Variants in SFMBT2 observed in about 807,000 individuals in gnomAD.
The protein encoded by SFMBT2 is scm-like with four MBT domains protein 2.
A neutral mutation model predicts 110.1 loss-of-function variants in SFMBT2; 38 were observed. That is an observed-to-expected ratio of 0.35 (90% confidence interval 0.27 to 0.45). SFMBT2 has a LOEUF of 0.45. SFMBT2 is among the 20% of genes least tolerant of loss of function. The pLI is 1.00. For missense variants in SFMBT2, 1,011 were observed against 1,094.9 expected (o/e 0.92, Z 1.08); for synonymous variants, 425 against 425.4 (o/e 1.00, Z 0.01).
chr10:7,196,743 C>A lies in SFMBT2; in HGVS notation c.1698+805G>T, dbSNP rs115398416. Reference sequence around the variant, plus strand: ...TGGTACGGTGGCAATAGAGAATATCCATTTGGTATCCTCTTTCTTCAGAGA... The same window carrying A: ...TGGTACGGTGGCAATAGAGAATATCAATTTGGTATCCTCTTTCTTCAGAGA... On this transcript the variant is annotated intron_variant, in intron 15 of 20. Transcript: ENST00000397167. Among the ~76,000 whole-genome samples the A allele has an allele frequency of 8.1e-3, 1,234 of 152,300 alleles. 13 individuals carry two copies. The highest frequency in any genetic ancestry group is 0.028 in the African/African-American group (1,178 of 41,566).
At chr10:7,242,047 A>C (rs1840446661) in intron 9 of SFMBT2, among the ~76,000 whole-genome samples, 1 of 152,204 alleles carries the variant, frequency 6.6e-6, no homozygotes, top group Non-Finnish European at 1.5e-5. Flanking sequence ...TACTTCCATG[A>C]GAAAAGTCCA....
intron 4 of SFMBT2, among the ~76,000 whole-genome samples, chr10:7,337,766 G>C (rs1171137589): frequency 6.6e-6 from 1 of 152,146 alleles, no homozygotes. Context: ...AAGAGCTCCT[G>C]TTCCATCTTC....
chr10:7,376,070 T>C (rs935922357), intron 2 of SFMBT2, among the ~76,000 whole-genome samples: 20 of 152,214 alleles, frequency 1.3e-4, no homozygotes, highest in Admixed American at 4.6e-4. Flanking sequence ...CCGCTTTATC[T>C]ATAGACTTCA....
At chr10:7,202,389 T>G (rs1838982764) in intron 13 of SFMBT2, 91 bp downstream of exon 13, 1 of 1,518,142 alleles carries the variant, frequency 6.6e-7, no homozygotes, top group Non-Finnish European at 9.1e-7. Flanking sequence ...GTTAGATAAC[T>G]CCAATAAAAA....
At chr10:7,165,888 T>C (rs1337238306) in intron 20 of SFMBT2, among the ~76,000 whole-genome samples, 1 of 152,242 alleles carries the variant, frequency 6.6e-6, no homozygotes, top group African/African-American at 2.4e-5. Context: ...AAATAAGTGT[T>C]TGGCTCTAGG....
At chr10:7,205,134 G>A (rs1839086200) in intron 12 of SFMBT2, 1 of 221,022 alleles carries the variant, frequency 4.5e-6, no homozygotes, top group South Asian at 1.6e-4. Context: ...GAGTCTACTG[G>A]TGCTTGGTTG....
chr10:7,176,075 T>G lies in SFMBT2; in HGVS notation c.1899A>C (p.Leu633=). Residue 633 remains leucine (L), a synonymous_variant, in exon 17 of 21, where the codon CTA becomes CTC. Transcript: ENST00000397167. ...ANFCRRVCAK[L]ECCPNLFSPV... is the part of the protein sequence containing the mutation. ...GACTAAACAAATTTGGACAGCACTC[T>G]AGCTTGGCACAGACTCGGCGGCAGA... The G allele has an allele frequency of 6.2e-7, 1 of 1,614,192 alleles. No individual in the cohort carries two copies. Among genetic ancestry groups the G allele is most frequent in the East Asian group, 2.2e-5 (1 of 44,888 alleles).
At chr10:7,350,396 C>T (rs1051182020) in intron 4 of SFMBT2, among the ~76,000 whole-genome samples, 3 of 152,050 alleles carry the variant, frequency 2.0e-5, no homozygotes, top group African/African-American at 7.2e-5. Context: ...ATCTGAACTA[C>T]CAGGTGTGAC....
chr10:7,303,768 G>A (rs908514325), intron 4 of SFMBT2, among the ~76,000 whole-genome samples: 1 of 152,134 alleles, frequency 6.6e-6, no homozygotes, highest in Non-Finnish European at 1.5e-5. Context: ...AAGAGAAAGG[G>A]AGAAGCAATA....
chr10:7,165,049 T>A (rs1837661144), intron 20 of SFMBT2, among the ~76,000 whole-genome samples: 1 of 152,198 alleles, frequency 6.6e-6, no homozygotes, highest in African/African-American at 2.4e-5. Context: ...TAGATGTCAT[T>A]TGACCGGACT....
At chr10:7,395,669 C>T (rs913473096) in intron 1 of SFMBT2, among the ~76,000 whole-genome samples, 2 of 150,126 alleles carry the variant, frequency 1.3e-5, no homozygotes, top group African/African-American at 4.9e-5. Flanking sequence ...CTAACCCTTC[C>T]ATTGAGTTTT....
intron 8 of SFMBT2, among the ~76,000 whole-genome samples, chr10:7,245,361 C>G (rs1277435904): frequency 2.0e-5 from 3 of 152,206 alleles, no homozygotes; most frequent in Admixed American, 1.3e-4. Flanking sequence ...TACACATACA[C>G]ACACATACGT....
intron 1 of SFMBT2, among the ~76,000 whole-genome samples, chr10:7,402,836 T>C (rs757088278): frequency 5.3e-5 from 8 of 152,178 alleles, no homozygotes; most frequent in Middle Eastern, 3.2e-3. Context: ...AAAACTAAAG[T>C]TCACTCTAAA....
At chr10:7,186,584 A>G (rs773822251) in intron 16 of SFMBT2, among the ~76,000 whole-genome samples, 9 of 152,026 alleles carry the variant, frequency 5.9e-5, no homozygotes, top group Non-Finnish European at 7.4e-5. Flanking sequence ...TGCAGGGATT[A>G]CAGTCATGAG....
At chr10:7,187,517 C>G (rs1448493847) in intron 16 of SFMBT2, among the ~76,000 whole-genome samples, 1 of 152,216 alleles carries the variant, frequency 6.6e-6, no homozygotes, top group African/African-American at 2.4e-5. Flanking sequence ...TTCTTATTTA[C>G]ATATATTCTC....
chr10:7,335,592 CACA>C (rs1843697734), intron 4 of SFMBT2, among the ~76,000 whole-genome samples: 2 of 150,460 alleles, frequency 1.3e-5, no homozygotes, highest in African/African-American at 4.9e-5. Flanking sequence ...AACACACACA[CACA>C]CACACACACA....
At chr10:7,292,538 C>A (rs1842290373) in intron 4 of SFMBT2, among the ~76,000 whole-genome samples, 3 of 152,034 alleles carry the variant, frequency 2.0e-5, no homozygotes, top group Non-Finnish European at 4.4e-5. Flanking sequence ...TGAATGTAAC[C>A]CAGATGAAGA....
At chr10:7,358,946 C>T (rs74117718) in intron 4 of SFMBT2, among the ~76,000 whole-genome samples, 1,601 of 152,328 alleles carry the variant, frequency 0.011, 23 homozygotes, top group African/African-American at 0.037. Flanking sequence ...TGAGAGAAGA[C>T]TTAATAAGAA....
Position 7,172,256 on chromosome 10 carries a change from A to G in SFMBT2, c.2152-98T>C. 2 of 1,468,706 alleles carry G rather than the reference A, an allele frequency of 1.4e-6. No homozygotes were observed. The highest frequency in any genetic ancestry group is 1.8e-6 in the Non-Finnish European group (2 of 1,112,324). The allele number at this position is 1,468,706 out of a possible 1,614,324, so 91.0% of individuals were successfully genotyped here. ...CTGGGCCCAGTGCAGACCACCTAGC[A>G]AACCCTCGGAAATGGAGCCAGTGGT... On this transcript the variant is annotated intron_variant, in intron 18 of 20. Transcript: ENST00000397167. The surrounding 1 kb of genome is among the most constrained non-coding windows in gnomAD (Gnocchi z 4.6).
Sources: allele counts gnomAD v4.1 joint callset (sites outside exome capture counted in the v4.1 genomes callset), GRCh38; gene constraint gnomAD v4.1.1; non-coding constraint Gnocchi (gnomAD v3.1); transcripts MANE v1.5; gene names NCBI Gene and HGNC (gene_info 2026-07-23, HGNC 2026-07-21).